Variants in ZNRF3 observed in about 807,000 individuals in gnomAD.
ZNRF3 encodes zinc and ring finger 3.
A neutral mutation model predicts 72.5 loss-of-function variants in ZNRF3; 23 were observed. The ratio of observed to expected loss-of-function variants is 0.32; its 90% CI spans 0.23 to 0.45. ZNRF3 has a LOEUF of 0.45. ZNRF3 is among the 20% of genes least tolerant of loss of function. The pLI, the probability that ZNRF3 is intolerant of heterozygous loss-of-function variation, is 1.00. For missense variants in ZNRF3, 1,169 were observed against 1,272.1 expected, an observed-to-expected ratio of 0.92 and a Z score of 1.23; for synonymous variants, 610 against 545.3, an observed-to-expected ratio of 1.12 and a Z score of -1.65.
At chr22:28,911,332 T>C (rs1324757328) in intron 1 of ZNRF3, among the ~76,000 whole-genome samples, 1 of 152,200 alleles carries the variant, frequency 6.6e-6, no homozygotes, top group Non-Finnish European at 1.5e-5. Context: ...ATATAGGTGA[T>C]GTCTATGTGC....
intron 2 of ZNRF3, among the ~76,000 whole-genome samples, chr22:29,038,967 G>T (rs932302): frequency 0.27 from 40,516 of 148,194 alleles, 5,615 homozygotes; most frequent in Admixed American, 0.35. Context: ...TATATATATA[G>T]AGAGAGAGAG....
chr22:28,982,832 GC>G (rs1259596721), intron 1 of ZNRF3, among the ~76,000 whole-genome samples: 1 of 152,316 alleles, frequency 6.6e-6, no homozygotes, highest in Admixed American at 6.5e-5. Context: ...ATGGCTGGAG[GC>G]CTAGGGTGGC....
chr22:29,020,859 C>T (rs192801378), intron 2 of ZNRF3, among the ~76,000 whole-genome samples: 13 of 150,742 alleles, frequency 8.6e-5, no homozygotes, highest in African/African-American at 2.4e-4. Context: ...TGCAGTGGGG[C>T]GATCTTGGCT....
At chr22:28,924,389 T>C (rs1458341494) in intron 1 of ZNRF3, among the ~76,000 whole-genome samples, 1 of 152,212 alleles carries the variant, frequency 6.6e-6, no homozygotes, top group Admixed American at 6.5e-5. Context: ...CTGAAAGTGC[T>C]TTCCTCTGGT....
At chr22:29,010,661 G>C (rs1258057102) in intron 2 of ZNRF3, among the ~76,000 whole-genome samples, 1 of 152,026 alleles carries the variant, frequency 6.6e-6, no homozygotes, top group Non-Finnish European at 1.5e-5. Context: ...ATACACAAAA[G>C]TTTTTTCTCA....
chr22:28,935,870 G>T (rs141698787), intron 1 of ZNRF3, among the ~76,000 whole-genome samples: 1 of 152,242 alleles, frequency 6.6e-6, no homozygotes, highest in African/African-American at 2.4e-5. Context: ...CTCAGAGGGT[G>T]GGGAGAGGTG....
intron 5 of ZNRF3, 31 bp downstream of exon 5, chr22:29,044,921 TA>T: frequency 6.7e-7 from 1 of 1,490,606 alleles, no homozygotes. Flanking sequence ...CCGTGAGCAG[TA>T]ACCCCTCTTG....
intron 2 of ZNRF3, among the ~76,000 whole-genome samples, chr22:29,004,972 C>T (rs1225416892): frequency 6.6e-6 from 1 of 152,254 alleles, no homozygotes; most frequent in Non-Finnish European, 1.5e-5. Flanking sequence ...CGCTCAGTTC[C>T]TGCCAGCCAG....
At chr22:28,929,431 C>T (rs921591218) in intron 1 of ZNRF3, among the ~76,000 whole-genome samples, 1 of 152,196 alleles carries the variant, frequency 6.6e-6, no homozygotes. Flanking sequence ...GTAGCAAAAC[C>T]TCCTTCCCAG....
intron 2 of ZNRF3, among the ~76,000 whole-genome samples, chr22:29,003,120 A>T (rs2036179507): frequency 6.6e-6 from 1 of 152,202 alleles, no homozygotes; most frequent in Admixed American, 6.5e-5. Flanking sequence ...ATTGGCTTTT[A>T]TATCATGATT....
intron 2 of ZNRF3, among the ~76,000 whole-genome samples, chr22:29,035,834 C>T (rs1027316412): frequency 6.6e-6 from 1 of 152,152 alleles, no homozygotes; most frequent in African/African-American, 2.4e-5. Context: ...CCCTCCTTGG[C>T]CTCCCAAAGT....
chr22:28,983,310 G>GCCTGACAGCCCCAGGGGAC (rs147273717), intron 1 of ZNRF3, among the ~76,000 whole-genome samples: 9,809 of 152,092 alleles, frequency 0.064, 562 homozygotes, highest in East Asian at 0.15. Flanking sequence ...CAGGGCACCA[G>GCCTGACAGCCCCAGGGGAC]CCTGACAGCC....
intron 1 of ZNRF3, among the ~76,000 whole-genome samples, chr22:28,957,696 C>A (rs1429131308): frequency 2.0e-5 from 3 of 151,922 alleles, no homozygotes; most frequent in African/African-American, 7.2e-5. Flanking sequence ...GCCTCGGCCT[C>A]CCAAAGTGCC....
chr22:28,949,375 A>G (rs2035114022), intron 1 of ZNRF3, among the ~76,000 whole-genome samples: 1 of 152,140 alleles, frequency 6.6e-6, no homozygotes, highest in Non-Finnish European at 1.5e-5. Flanking sequence ...CCTAGACTCA[A>G]GTGATCCTTC....
chr22:29,023,243 C>T (rs1204213785), intron 2 of ZNRF3, among the ~76,000 whole-genome samples: 1 of 152,172 alleles, frequency 6.6e-6, no homozygotes, highest in African/African-American at 2.4e-5. Flanking sequence ...TATTATAAAA[C>T]TTAATGGACT....
chr22:29,048,587 G>A lies in ZNRF3; in HGVS notation c.1015+96G>A, dbSNP rs1453575800. ...CTTGGGAACACTCAGAACCACCGTG[G>A]CACTGCCCTCTGGACTTGGAGGCCT... On this transcript the variant is annotated intron_variant, in intron 7 of 8. Transcript: ENST00000544604. The surrounding 1 kb of genome is among the most constrained non-coding windows in gnomAD (Gnocchi z 4.9). 6 of 1,276,254 alleles carry A rather than the reference G, an allele frequency of 4.7e-6. No individual in the cohort carries two copies. Among genetic ancestry groups the A allele is most frequent in the Non-Finnish European group, 5.6e-6 (5 of 891,876 alleles). 79.1% of individuals were successfully genotyped at this position (1,276,254 alleles called of 1,614,324 possible).
At chr22:28,970,089 C>T (rs897768140) in intron 1 of ZNRF3, among the ~76,000 whole-genome samples, 6 of 151,920 alleles carry the variant, frequency 3.9e-5, no homozygotes, top group Non-Finnish European at 8.8e-5. Context: ...CCTTCTTACC[C>T]GACTACAAAG....
chr22:28,909,483 T>C (rs1423604746), intron 1 of ZNRF3, among the ~76,000 whole-genome samples: 1 of 152,146 alleles, frequency 6.6e-6, no homozygotes, highest in Non-Finnish European at 1.5e-5. Flanking sequence ...TTTCCCTTGC[T>C]GATACAGAGT....
chr22:28,885,936 A>G lies in ZNRF3; in HGVS notation c.300+1870A>G, dbSNP rs560740551. On this transcript the variant is annotated intron_variant, in intron 1 of 8. Coordinates refer to ENST00000544604, the MANE Select transcript of ZNRF3 (RefSeq NM_001206998.2). ...TGTAGTCCATTAGCCTAGCCAAAAA[A>G]AAAAAAAAGTCAATAGTTGCTAAGT... Among the ~76,000 whole-genome samples, 53 of 152,326 alleles carry G rather than the reference A, an allele frequency of 3.5e-4. 2 individuals carry two copies. The South Asian group carries it at 0.011, about 30-fold the overall frequency.
Sources: gnomAD v4.1 joint callset for allele counts (sites outside exome capture counted in the v4.1 genomes callset) on GRCh38, gnomAD v4.1.1 for gene constraint, Gnocchi (gnomAD v3.1) non-coding constraint, MANE v1.5 for transcripts, NCBI Gene and HGNC (gene_info 2026-07-23, HGNC 2026-07-21) for gene names.